DDX10: variants seen among roughly 807,000 people sequenced by gnomAD.
DDX10 encodes the protein probable ATP-dependent RNA helicase DDX10.
Under a neutral mutation model 104.3 loss-of-function variants are expected in DDX10, and 74 were observed. The observed-to-expected ratio is 0.71, with a 90% CI of 0.59 to 0.86. The LOEUF (loss-of-function observed/expected upper bound fraction) is 0.86, where lower values mean the gene tolerates loss of function less well. Among genes scored for constraint, DDX10 ranks in the 40% least tolerant of loss-of-function variants. The pLI, the probability that DDX10 is intolerant of heterozygous loss-of-function variation, is 0.00. For synonymous variants in DDX10, 351 were observed against 353.4 expected, an observed-to-expected ratio of 0.99 and a Z score of 0.08; for missense variants, 952 against 1,040.0, an observed-to-expected ratio of 0.92 and a Z score of 1.16.
At chr11:108,909,902 G>A (rs143098824) in intron 16 of DDX10, among the ~76,000 whole-genome samples, 1 of 152,288 alleles carries the variant, frequency 6.6e-6, no homozygotes, top group African/African-American at 2.4e-5. Flanking sequence ...GTGGAAAGAG[G>A]CTTGACTAGT....
At chr11:108,808,451 T>C (rs1359968999) in intron 13 of DDX10, among the ~76,000 whole-genome samples, 1 of 152,104 alleles carries the variant, frequency 6.6e-6, no homozygotes, top group African/African-American at 2.4e-5. Context: ...TTAGACATAG[T>C]TTGGGCTACC....
intron 16 of DDX10, among the ~76,000 whole-genome samples, chr11:108,894,331 T>A (rs1863413517): frequency 6.6e-6 from 1 of 152,050 alleles, no homozygotes; most frequent in Non-Finnish European, 1.5e-5. Flanking sequence ...AGGAAATTGA[T>A]AGTTACTAAA....
At chr11:108,813,375 A>C (rs1467660899) in intron 13 of DDX10, among the ~76,000 whole-genome samples, 1 of 152,090 alleles carries the variant, frequency 6.6e-6, no homozygotes, top group African/African-American at 2.4e-5. Context: ...TTTATGAGTG[A>C]GCTATTTATA....
chr11:108,934,914 C>T (rs990448818), intron 17 of DDX10, among the ~76,000 whole-genome samples: 4 of 152,190 alleles, frequency 2.6e-5, no homozygotes, highest in African/African-American at 7.2e-5. Context: ...TGCTCCCACA[C>T]GTGACACTCT....
intron 10 of DDX10, among the ~76,000 whole-genome samples, chr11:108,712,366 A>G (rs1591798222): frequency 6.6e-6 from 1 of 151,790 alleles, no homozygotes; most frequent in Admixed American, 6.5e-5. Flanking sequence ...TGCCCCTGTT[A>G]TTCTTACTTT....
At chr11:108,750,783 A>G (rs1453004602) in intron 13 of DDX10, among the ~76,000 whole-genome samples, 2 of 150,898 alleles carry the variant, frequency 1.3e-5, no homozygotes, top group East Asian at 3.9e-4. Context: ...TTTTTGAGAC[A>G]GGGTCTCACT....
intron 13 of DDX10, among the ~76,000 whole-genome samples, chr11:108,802,956 C>T (rs1234017901): frequency 1.3e-5 from 2 of 152,110 alleles, no homozygotes; most frequent in Admixed American, 1.3e-4. Flanking sequence ...ATGTTTGCAG[C>T]CACCATTTTC....
In DDX10 at chr11:108,738,383, A is replaced by G. The variant is rs146116391; in HGVS notation, c.1965+14921A>G. On this transcript the variant is annotated intron_variant, in intron 13 of 17. Coordinates refer to ENST00000322536, the MANE Select transcript of DDX10 (RefSeq NM_004398.4). ...CTTACTCATATGTGTTTTAGTAGCT[A>G]TTGAGCCATTTTATTTAATAGCTTG... Among the ~76,000 whole-genome samples, 1,433 of 151,724 alleles carry G rather than the reference A, an allele frequency of 9.4e-3. 30 individuals are homozygous for G. Among genetic ancestry groups the G allele is most frequent in the Middle Eastern group, 0.01 (3 of 294 alleles).
At chr11:108,855,119 A>C (rs1862847804) in intron 16 of DDX10, among the ~76,000 whole-genome samples, 1 of 152,248 alleles carries the variant, frequency 6.6e-6, no homozygotes, top group Non-Finnish European at 1.5e-5. Context: ...CTTGAATTGC[A>C]CAATAGAATT....
chr11:108,674,063 C>A (rs2094220606), intron 2 of DDX10, among the ~76,000 whole-genome samples: 1 of 152,098 alleles, frequency 6.6e-6, no homozygotes, highest in African/African-American at 2.4e-5. Flanking sequence ...GTGGCTCATG[C>A]CTGTAATCCC....
chr11:108,669,803 CGTGAT>C (rs2094214719), intron 1 of DDX10, among the ~76,000 whole-genome samples: 1 of 152,080 alleles, frequency 6.6e-6, no homozygotes, highest in Non-Finnish European at 1.5e-5. Flanking sequence ...GTCAGAATGA[CGTGAT>C]GTGAGAAAGA....
intron 15 of DDX10, among the ~76,000 whole-genome samples, chr11:108,842,458 C>A (rs547972891): frequency 7.2e-5 from 11 of 152,248 alleles, no homozygotes; most frequent in African/African-American, 2.6e-4. Context: ...TCCTATTTGA[C>A]CTTTCATGGA....
intron 16 of DDX10, among the ~76,000 whole-genome samples, chr11:108,874,715 T>G (rs2134626604): frequency 6.6e-6 from 1 of 152,228 alleles, no homozygotes; most frequent in East Asian, 1.9e-4. Context: ...GTTGTATCTC[T>G]TTAGTAGCTC....
At chr11:108,916,205 T>G (rs1863748564) in intron 16 of DDX10, among the ~76,000 whole-genome samples, 1 of 152,158 alleles carries the variant, frequency 6.6e-6, no homozygotes, top group South Asian at 2.1e-4. Context: ...CTTCAGATAG[T>G]ACATTCCTTT....
chr11:108,744,030 G>A (rs1000120932), intron 13 of DDX10, among the ~76,000 whole-genome samples: 1 of 152,116 alleles, frequency 6.6e-6, no homozygotes, highest in African/African-American at 2.4e-5. Flanking sequence ...TCACATCTGT[G>A]CTGGGTTTAT....
chr11:108,884,427 C>T (rs992569988), intron 16 of DDX10, among the ~76,000 whole-genome samples: 23 of 152,166 alleles, frequency 1.5e-4, no homozygotes, highest in African/African-American at 3.4e-4. Context: ...CTCCCTCCTT[C>T]GTTTCTCACC....
chr11:108,856,069 A>G (rs545188563), intron 16 of DDX10, among the ~76,000 whole-genome samples: 2 of 152,320 alleles, frequency 1.3e-5, no homozygotes, highest in Non-Finnish European at 2.9e-5. Context: ...TCTCTGTACA[A>G]CAGAAAAGTA....
intron 16 of DDX10, among the ~76,000 whole-genome samples, chr11:108,898,696 C>T (rs1863473209): frequency 6.6e-6 from 1 of 151,670 alleles, no homozygotes; most frequent in Non-Finnish European, 1.5e-5. Context: ...TTTCTACCAT[C>T]CACTCAACCA....
intron 13 of DDX10, among the ~76,000 whole-genome samples, chr11:108,802,574 G>A (rs1223152143): frequency 1.3e-5 from 2 of 152,022 alleles, no homozygotes; most frequent in African/African-American, 2.4e-5. Flanking sequence ...GTTCTATCAT[G>A]TTTACAATAA....
Sources: allele counts gnomAD v4.1 joint callset (sites outside exome capture counted in the v4.1 genomes callset), GRCh38; gene constraint gnomAD v4.1.1; transcripts MANE v1.5; gene names NCBI Gene and HGNC (gene_info 2026-07-23, HGNC 2026-07-21).